GREB1: variants seen among roughly 807,000 people sequenced by gnomAD.
GREB1 encodes the protein growth regulating estrogen receptor binding 1.
Under a neutral mutation model 200.7 loss-of-function variants are expected in GREB1, and 106 were observed. That is an observed-to-expected ratio of 0.53 (90% CI 0.45 to 0.62). The LOEUF is 0.62. Ranked by LOEUF, GREB1 falls within the 20% of genes least tolerant of loss-of-function variation. The pLI is 0.00. For missense variants in GREB1, 2,243 were observed against 2,556.8 expected (o/e 0.88, Z 2.65); for synonymous variants, 1,132 against 1,092.4 (o/e 1.04, Z -0.72).
At position 11,640,483 on chromosome 2, in the gene GREB1, A is replaced by T. The variant is rs759464749; in HGVS notation, c.*29A>T. The T allele has an allele frequency of 1.9e-6, 3 of 1,612,710 alleles. No individual in the cohort carries two copies. The African/African-American group carries it at 4.0e-5, about 22-fold the overall frequency. On this transcript the variant is annotated 3_prime_UTR_variant, in exon 33 of 33. Coordinates refer to ENST00000381486, the MANE Select transcript of GREB1 (RefSeq NM_014668.4). This position sits in a 1 kb window ranked among gnomAD's most constrained non-coding sequence, Gnocchi z 4.6. Reference sequence around the variant, plus strand: ...AGACAGCGGCGAGTTTTCTGAAGAGATGAGTGCTCAGAGCCCTCATGCTGT... The same window carrying T: ...AGACAGCGGCGAGTTTTCTGAAGAGTTGAGTGCTCAGAGCCCTCATGCTGT...
Position 11,556,647 on chromosome 2 carries a change from G to A in GREB1, c.33G>A (p.Thr11=), listed in dbSNP as rs1167080608. ...ATTCTTACGCTGGACAGCTGAAGACGACACGCTTTGAAGAGGTCTTGCACA... is the reference window on the plus strand; with the variant it reads ...ATTCTTACGCTGGACAGCTGAAGACAACACGCTTTGAAGAGGTCTTGCACA... MGNSYAGQLK[T]TRFEEVLHNS... is the part of the protein sequence containing the mutation. Residue 11 remains threonine, a synonymous_variant, in exon 2 of 33, where the codon ACG becomes ACA. Transcript: ENST00000381486. 3 of 1,613,388 alleles carry A rather than the reference G, an allele frequency of 1.9e-6. No individual in the cohort carries two copies. Among genetic ancestry groups the A allele is most frequent in the Non-Finnish European group, 2.5e-6 (3 of 1,179,636 alleles).
intron 1 of GREB1, among the ~76,000 whole-genome samples, chr2:11,534,999 C>T (rs114688802): frequency 0.014 from 2,067 of 152,210 alleles, 47 homozygotes; most frequent in Admixed American, 0.052. Flanking sequence ...TGTGCGTTAG[C>T]GGCTCTAGTT....
intron 5 of GREB1, 60 bp downstream of exon 5, chr2:11,576,595 G>A: frequency 7.5e-7 from 1 of 1,336,684 alleles, no homozygotes; most frequent in Non-Finnish European, 1.1e-6. Flanking sequence ...GGGCCGTGGT[G>A]CCTGTCGGTG....
chr2:11,537,981 T>C (rs928711032), intron 1 of GREB1, among the ~76,000 whole-genome samples: 34 of 152,076 alleles, frequency 2.2e-4, no homozygotes, highest in African/African-American at 7.7e-4. Context: ...AAGTATGCAT[T>C]TTTTGCTGGG....
chr2:11,576,591 T>G, intron 5 of GREB1, 56 bp downstream of exon 5: 1 of 1,401,942 alleles, frequency 7.1e-7, no homozygotes, highest in Non-Finnish European at 1.0e-6. Flanking sequence ...AAGTGGGCCG[T>G]GGTGCCTGTC....
In GREB1 at chr2:11,596,233, T is replaced by C. The variant is rs2148207124; in HGVS notation, c.1948T>C (p.Cys650Arg). Residue 650 changes from cysteine to arginine, a missense_variant, in exon 13 of 33, where the codon TGC (cysteine) becomes CGC (arginine). Transcript: ENST00000381486. The part of the protein sequence containing the change: ...ASLDVSGTPV[C>R]TSYNLEPHSI... ...CCTGGATGTCAGTGGGACACCGGTG[T>C]GCACAAGTGAGTGGTGAAAAGGAAT... 6.2e-7 allele frequency: 1 copy of C among 1,612,898 alleles called. No homozygotes were observed. Among genetic ancestry groups the C allele is most frequent in the East Asian group, 2.2e-5 (1 of 44,824 alleles).
rs542778134 is a variant in GREB1, at chr2:11,516,179, G to C, written c.-159+33798G>C. ...GCTGGAGGTCCTCCCAGAGCATCACGTCCAAAATGAACCCAGCTTTTTCTC... is the reference window on the plus strand; with the variant it reads ...GCTGGAGGTCCTCCCAGAGCATCACCTCCAAAATGAACCCAGCTTTTTCTC... On this transcript the variant is annotated intron_variant, in intron 1 of 2. Transcript: ENST00000628795. 5.9e-5 allele frequency among the ~76,000 whole-genome samples: 9 copies of C among 152,226 alleles called. No homozygotes were observed. In the South Asian group the frequency reaches 1.9e-3, roughly 32 times the overall value.
At chr2:11,526,616 C>T (rs569525916) in intron 1 of GREB1, among the ~76,000 whole-genome samples, 7 of 151,550 alleles carry the variant, frequency 4.6e-5, no homozygotes, top group South Asian at 2.1e-4. Flanking sequence ...AGTGCAGTGC[C>T]GCCATCTTGG....
chr2:11,607,931 T>A (rs1465743103), intron 17 of GREB1, among the ~76,000 whole-genome samples: 1 of 152,198 alleles, frequency 6.6e-6, no homozygotes, highest in Non-Finnish European at 1.5e-5. Context: ...TGTTGTTTTG[T>A]CTTTGGTATC....
At position 11,595,244 on chromosome 2, in the gene GREB1, T is replaced by G. The variant is rs990360834; in HGVS notation, c.1697-7T>G. 2 of 1,610,826 alleles carry G rather than the reference T, an allele frequency of 1.2e-6. No homozygotes were observed. Among genetic ancestry groups the G allele is most frequent in the African/African-American group, 2.7e-5 (2 of 74,984 alleles). On this transcript the variant is annotated splice_region_variant and splice_polypyrimidine_tract_variant and intron_variant, in intron 11 of 32. Transcript: ENST00000381486. The stretch of plus-strand genomic sequence containing the variant: ...AATGGGTACTGTGAAATCTGTTTGC[T>G]TTCCAGGAAAATACCAAGCCCGGAT...
At chr2:11,518,064 A>G (rs1673571208) in intron 1 of GREB1, among the ~76,000 whole-genome samples, 1 of 152,208 alleles carries the variant, frequency 6.6e-6, no homozygotes, top group Admixed American at 6.5e-5. Flanking sequence ...ATTTAGTGCT[A>G]TTCCTCAAGA....
chr2:11,610,091 G>T (rs1459028686), intron 17 of GREB1, among the ~76,000 whole-genome samples: 4 of 152,220 alleles, frequency 2.6e-5, no homozygotes, highest in Non-Finnish European at 5.9e-5. Flanking sequence ...TTTGTGTGGG[G>T]ACACAGATAG....
At position 11,640,279 on chromosome 2, in the gene GREB1, TTGTC is replaced by T; in HGVS notation, c.5687-11_5687-8del. 6.2e-7 allele frequency: 1 copy of T among 1,603,862 alleles called. No homozygotes were observed. The highest frequency in any genetic ancestry group is 8.5e-7 in the Non-Finnish European group (1 of 1,174,172). On this transcript the variant is annotated splice_region_variant and splice_polypyrimidine_tract_variant and intron_variant, in intron 32 of 32. Coordinates refer to ENST00000381486, the MANE Select transcript of GREB1 (RefSeq NM_014668.4). The surrounding 1 kb of genome is among the most constrained non-coding windows in gnomAD (Gnocchi z 4.6). Reference sequence around the variant, plus strand: ...CTTTTCCCTTCCCACACCTCTGCCGTTGTCCACGCAGGTGCGACGTTGTGTGTCA... The same window carrying T: ...CTTTTCCCTTCCCACACCTCTGCCGTCACGCAGGTGCGACGTTGTGTGTCA...
chr2:11,615,641 A>C (rs944764748), intron 20 of GREB1, among the ~76,000 whole-genome samples: 1 of 152,192 alleles, frequency 6.6e-6, no homozygotes, highest in African/African-American at 2.4e-5. Flanking sequence ...CGTTCCACTC[A>C]CTGGTGGAAT....
At position 11,490,131 on chromosome 2, in the gene GREB1, G is replaced by A. The variant is rs1480397799; in HGVS notation, c.-159+7750G>A. 8.6e-5 allele frequency among the ~76,000 whole-genome samples: 13 copies of A among 151,966 alleles called. No homozygotes were observed. The South Asian group carries it at 2.7e-3, about 32-fold the overall frequency. On this transcript the variant is annotated intron_variant, in intron 1 of 2. Coordinates refer to the GREB1 transcript ENST00000628795. Reference sequence around the variant, plus strand: ...TGCTTTTAAATATATTCAGAGTTGTGCAACTGTCACCATGATCTAATTCCA... The same window carrying A: ...TGCTTTTAAATATATTCAGAGTTGTACAACTGTCACCATGATCTAATTCCA...
rs1434145446 is a variant in GREB1, at chr2:11,556,379, AGAGGT to A, written c.-161-73_-161-69del. 1.1e-5 allele frequency: 4 copies of A among 374,936 alleles called. No individual in the cohort carries two copies. In the East Asian group the frequency reaches 1.8e-4, roughly 17 times the overall value. 23.2% of individuals were successfully genotyped at this position (374,936 alleles called of 1,614,324 possible). On this transcript the variant is annotated intron_variant, in intron 1 of 32. Transcript: ENST00000381486. ...AGGCAGCTCCTAGTGAAACAGTCTA[AGAGGT>A]GTCAGGCTCTGCTGAGTGCTAAATT...
intron 1 of GREB1, among the ~76,000 whole-genome samples, chr2:11,550,616 T>C (rs1285489696): frequency 1.3e-5 from 2 of 152,226 alleles, no homozygotes; most frequent in African/African-American, 4.8e-5. Flanking sequence ...CCAAGCCTTC[T>C]CTGGGTTCTG....
At chr2:11,535,923 T>A (rs1674272249) in intron 1 of GREB1, among the ~76,000 whole-genome samples, 1 of 152,218 alleles carries the variant, frequency 6.6e-6, no homozygotes, top group Non-Finnish European at 1.5e-5. Context: ...CTCTTTTTTT[T>A]TTCCCTGTAA....
At chr2:11,503,148 C>T (rs917622954) in intron 1 of GREB1, among the ~76,000 whole-genome samples, 2 of 152,100 alleles carry the variant, frequency 1.3e-5, no homozygotes, top group Non-Finnish European at 2.9e-5. Flanking sequence ...GTACATGGCC[C>T]CAGACAGTAA....
Sources: gnomAD v4.1 joint callset for allele counts (sites outside exome capture counted in the v4.1 genomes callset) on GRCh38, gnomAD v4.1.1 for gene constraint, Gnocchi (gnomAD v3.1) non-coding constraint, MANE v1.5 for transcripts, NCBI Gene and HGNC (gene_info 2026-07-23, HGNC 2026-07-21) for gene names.